Variants in WDFY2 observed in about 807,000 individuals in gnomAD.
The protein encoded by WDFY2 is WD repeat and FYVE domain-containing protein 2.
WDFY2 carries 36 observed loss-of-function variants against 56.4 expected under a neutral mutation model. The ratio of observed to expected loss-of-function variants is 0.64; its 90% CI spans 0.49 to 0.84. WDFY2 has a LOEUF of 0.84. Among genes scored for constraint, WDFY2 ranks in the 40% least tolerant of loss-of-function variants. The probability of loss-of-function intolerance (pLI) is 0.00; values close to 1 mark genes in which losing one functional copy is unlikely to be tolerated. For missense variants in WDFY2, 444 were observed against 512.2 expected (o/e 0.87, Z 1.29); for synonymous variants, 176 against 183.7 (o/e 0.96, Z 0.34).
intron 7 of WDFY2, among the ~76,000 whole-genome samples, chr13:51,748,461 A>G (rs1953154395): frequency 6.6e-6 from 1 of 152,206 alleles, no homozygotes; most frequent in Non-Finnish European, 1.5e-5. Context: ...AAGAGTTGTC[A>G]AGGGAATTTT....
chr13:51,733,408 C>T (rs1410781956), intron 6 of WDFY2, among the ~76,000 whole-genome samples: 1 of 152,120 alleles, frequency 6.6e-6, no homozygotes, highest in Admixed American at 6.5e-5. Context: ...TCCAGACCTG[C>T]AGAACAGCAG....
At chr13:51,630,409 AATT>A (rs932582062) in intron 1 of WDFY2, among the ~76,000 whole-genome samples, 2 of 150,924 alleles carry the variant, frequency 1.3e-5, no homozygotes, top group African/African-American at 2.4e-5. Flanking sequence ...GACTTTAAAA[AATT>A]ATTATTTTAG....
intron 1 of WDFY2, among the ~76,000 whole-genome samples, chr13:51,617,676 A>G (rs981313383): frequency 2.0e-5 from 3 of 152,222 alleles, no homozygotes; most frequent in Non-Finnish European, 4.4e-5. Context: ...CTGTAAGACA[A>G]ACAAACCTTT....
chr13:51,603,747 A>C (rs146076413), intron 1 of WDFY2, among the ~76,000 whole-genome samples: 248 of 152,348 alleles, frequency 1.6e-3, no homozygotes, highest in African/African-American at 5.7e-3. Flanking sequence ...AATGGGAAGA[A>C]TAATGCTTCC....
intron 1 of WDFY2, among the ~76,000 whole-genome samples, chr13:51,614,186 CAAAAAAA>C (rs771044291): frequency 1.5e-4 from 9 of 60,970 alleles, no homozygotes; most frequent in East Asian, 4.7e-4. Context: ...ACTCGGTCTC[CAAAAAAA>C]AAAAAAAAAA....
At chr13:51,740,782 A>C (rs1295705412) in intron 7 of WDFY2, among the ~76,000 whole-genome samples, 5 of 152,186 alleles carry the variant, frequency 3.3e-5, no homozygotes, top group Non-Finnish European at 5.9e-5. Context: ...CTGCCAGGAA[A>C]TTCCTGCCAA....
intron 7 of WDFY2, among the ~76,000 whole-genome samples, chr13:51,741,583 A>G (rs1306173014): frequency 6.6e-6 from 1 of 152,178 alleles, no homozygotes; most frequent in Non-Finnish European, 1.5e-5. Flanking sequence ...CAGGCAGGGA[A>G]CAACTTGCGC....
chr13:51,681,230 A>T (rs1197528362), intron 3 of WDFY2, among the ~76,000 whole-genome samples: 1 of 152,166 alleles, frequency 6.6e-6, no homozygotes, highest in Non-Finnish European at 1.5e-5. Context: ...TCAGCTTCAA[A>T]ACAGCAGTGT....
chr13:51,719,472 A>C lies in WDFY2; in HGVS notation c.485+124A>C. On this transcript the variant is annotated intron_variant, in intron 5 of 11. Transcript: ENST00000298125. ...ATGACAGTTGCCCAGTGTGGATTAC[A>C]ATGCTCATAGAATTTCCTGAGGCAC... The C allele has an allele frequency of 8.0e-6, 9 of 1,127,884 alleles. No individual in the cohort carries two copies. The South Asian group carries it at 1.5e-4, about 18-fold the overall frequency. 69.9% of individuals were successfully genotyped at this position (1,127,884 alleles called of 1,614,324 possible).
At chr13:51,733,873 TTGAAC>T (rs1952777339) in intron 6 of WDFY2, among the ~76,000 whole-genome samples, 1 of 152,136 alleles carries the variant, frequency 6.6e-6, no homozygotes, top group South Asian at 2.1e-4. Context: ...AGCACTGTGC[TTGAAC>T]TGAACACTTC....
intron 2 of WDFY2, among the ~76,000 whole-genome samples, chr13:51,667,211 A>G (rs1955719668): frequency 1.3e-5 from 2 of 152,238 alleles, no homozygotes; most frequent in African/African-American, 4.8e-5. Context: ...GTTATTAGGA[A>G]AAATTGGCTA....
Position 51,739,091 on chromosome 13 carries a change from T to C in WDFY2, c.641T>C (p.Leu214Ser), listed in dbSNP as rs143949548. Residue 214 changes from leucine (L) to serine (S), a missense_variant, in exon 7 of 12, where the codon TTG becomes TCG. By Grantham distance (145) the Leu-to-Ser change is moderately radical. Coordinates refer to ENST00000298125, the MANE Select transcript of WDFY2 (RefSeq NM_052950.4). The part of the protein sequence containing the change: ...ALCWDPVQRV[L>S]FSGSSDHSVI... Reference sequence around the variant, plus strand: ...TGTTGGGACCCAGTCCAGCGGGTGTTGTTCTCAGGCAGTTCAGATCACTCT... The same window carrying C: ...TGTTGGGACCCAGTCCAGCGGGTGTCGTTCTCAGGCAGTTCAGATCACTCT... 43 of 1,603,172 alleles carry C rather than the reference T, an allele frequency of 2.7e-5. No homozygotes were observed. The highest frequency in any genetic ancestry group is 3.6e-5 in the Non-Finnish European group (42 of 1,175,112).
At chr13:51,591,890 A>G (rs560679497) in intron 1 of WDFY2, 1 of 151,508 alleles carries the variant, frequency 6.6e-6, no homozygotes, top group Non-Finnish European at 1.5e-5. Flanking sequence ...TCCCATTGAC[A>G]TTATAGAATT....
At chr13:51,717,252 T>G (rs1453346412) in intron 4 of WDFY2, among the ~76,000 whole-genome samples, 2 of 152,214 alleles carry the variant, frequency 1.3e-5, no homozygotes, top group African/African-American at 4.8e-5. Context: ...AAAGAATCTT[T>G]TTCACCTTAA....
chr13:51,594,720 T>C (rs759976422), intron 1 of WDFY2, among the ~76,000 whole-genome samples: 8 of 152,252 alleles, frequency 5.3e-5, no homozygotes, highest in Non-Finnish European at 1.2e-4. Flanking sequence ...CTTAGGATTT[T>C]ACAGTCTCAG....
In WDFY2 at chr13:51,755,362, CT is replaced by C; in HGVS notation, c.837del (p.Glu280AsnfsTer30). The stretch of plus-strand genomic sequence containing the variant: ...TTCTGTGCTTTATTTGACAAGACCC[CT>C]GAATGGTTGGACAGTGATTCCTGCC... Reference protein sequence around the residue: ...WNMDVERQETPEWLDSDSCQK... With the variant: ...WNMDVERQETXEWLDSDSCQK... On this transcript the variant is annotated frameshift_variant, in exon 9 of 12. Coordinates refer to ENST00000298125, the MANE Select transcript of WDFY2 (RefSeq NM_052950.4). LOFTEE classifies it high-confidence loss of function. 6.2e-7 allele frequency: 1 copy of C among 1,614,134 alleles called. No homozygotes were observed. Among genetic ancestry groups the C allele is most frequent in the Non-Finnish European group, 8.5e-7 (1 of 1,180,038 alleles).
chr13:51,754,100 A>AG (rs1477502379), intron 8 of WDFY2, among the ~76,000 whole-genome samples: 1 of 151,952 alleles, frequency 6.6e-6, no homozygotes, highest in Non-Finnish European at 1.5e-5. Context: ...CAAAAAAAAA[A>AG]AAAAAAAAAA....
intron 1 of WDFY2, among the ~76,000 whole-genome samples, chr13:51,638,843 CTA>C (rs1432735918): frequency 3.9e-5 from 6 of 152,156 alleles, no homozygotes; most frequent in Non-Finnish European, 8.8e-5. Context: ...GGCGAAGGGA[CTA>C]TGTGGCTTAT....
intron 1 of WDFY2, among the ~76,000 whole-genome samples, chr13:51,597,582 A>G (rs961271551): frequency 3.9e-5 from 6 of 152,198 alleles, no homozygotes; most frequent in African/African-American, 7.2e-5. Flanking sequence ...CTAGTAGTTC[A>G]TGCTTATGTA....
Sources: gnomAD v4.1 joint callset for allele counts (sites outside exome capture counted in the v4.1 genomes callset) on GRCh38, gnomAD v4.1.1 for gene constraint, MANE v1.5 for transcripts, NCBI Gene and HGNC (gene_info 2026-07-23, HGNC 2026-07-21) for gene names.